The following SGMS2 variants were observed in gnomAD, a reference collection of about 807,000 sequenced individuals.
The protein encoded by SGMS2 is phosphatidylcholine:ceramide cholinephosphotransferase 2.
In SGMS2, 21 loss-of-function variants were observed where a neutral mutation model predicts 43.8. That is an observed-to-expected ratio of 0.48 (90% CI 0.34 to 0.69). The LOEUF is 0.69. Ranked by LOEUF, SGMS2 falls within the 30% of genes least tolerant of loss-of-function variation. SGMS2 has a pLI of 0.01. For synonymous variants in SGMS2, 167 were observed against 160.6 expected (o/e 1.04, Z -0.30); for missense variants, 384 against 443.2 (o/e 0.87, Z 1.20).
At chr4:107,905,228 GTT>G (rs989019687) in intron 5 of SGMS2, among the ~76,000 whole-genome samples, 3 of 152,164 alleles carry the variant, frequency 2.0e-5, no homozygotes, top group Admixed American at 2.0e-4. Flanking sequence ...CAAAAGGCAT[GTT>G]TTACATGGCA....
At chr4:107,825,620 C>CTTTTTTTTT (rs201101875) in intron 1 of SGMS2, among the ~76,000 whole-genome samples, 101 of 116,264 alleles carry the variant, frequency 8.7e-4, no homozygotes, top group African/African-American at 3.5e-3. Flanking sequence ...TTTTCTTTCT[C>CTTTTTTTTT]TTTTTTTTTT....
At chr4:107,824,573 C>A (rs146873588), upstream of SGMS2, 1,235 of 152,410 alleles carry the variant, frequency 8.1e-3, 8 homozygotes, top group Non-Finnish European at 0.014. Context: ...AGATTGATCT[C>A]TGTTGCCGCT....
chr4:107,842,812 T>A (rs1272016936), intron 1 of SGMS2, among the ~76,000 whole-genome samples: 2 of 152,328 alleles, frequency 1.3e-5, no homozygotes, highest in East Asian at 1.9e-4. Context: ...TGTGGTGTAA[T>A]CGGAGCTGAT....
At chr4:107,866,746 A>G (rs2126045397) in intron 2 of SGMS2, among the ~76,000 whole-genome samples, 1 of 152,142 alleles carries the variant, frequency 6.6e-6, no homozygotes. Context: ...TGGGATTTTT[A>G]TTTACCTTTT....
intron 1 of SGMS2, among the ~76,000 whole-genome samples, chr4:107,831,445 A>G (rs916392362): frequency 9.9e-5 from 15 of 152,186 alleles, no homozygotes; most frequent in African/African-American, 3.4e-4. Context: ...TGGCTGTATA[A>G]TGGGAGTAAA....
At chr4:107,899,150 T>C (rs1341197853) in intron 3 of SGMS2, among the ~76,000 whole-genome samples, 1 of 152,200 alleles carries the variant, frequency 6.6e-6, no homozygotes, top group Non-Finnish European at 1.5e-5. Context: ...AATTCCTCTG[T>C]TACTGTGGCT....
At chr4:107,863,066 A>G (rs537716523) in intron 2 of SGMS2, among the ~76,000 whole-genome samples, 14 of 152,350 alleles carry the variant, frequency 9.2e-5, no homozygotes, top group African/African-American at 3.4e-4. Context: ...CTACATGGTA[A>G]CTGTGAGGAG....
Position 107,899,651 on chromosome 4 carries a change from A to G in SGMS2, c.532A>G (p.Thr178Ala), listed in dbSNP as rs1485056423. The change falls in exon 4 of 7, where the codon ACT (threonine) becomes GCT (alanine). Residue 178 changes from threonine (T) to alanine (A), a missense_variant. Thr to Ala is a moderately conservative substitution (Grantham distance 58, BLOSUM62 0). Transcript: ENST00000690982. ...LYRCITMYVT[T>A]LPVPGMHFQC... ...TCGCTGCATTACAATGTATGTTACTACTCTACCTGTGCCTGGAATGCATTT... is the reference window on the plus strand; with the variant it reads ...TCGCTGCATTACAATGTATGTTACTGCTCTACCTGTGCCTGGAATGCATTT... The G allele has an allele frequency of 5.0e-6, 8 of 1,612,596 alleles. No individual in the cohort carries two copies. Among genetic ancestry groups the G allele is most frequent in the Non-Finnish European group, 6.8e-6 (8 of 1,179,400 alleles).
Position 107,833,885 on chromosome 4 carries a change from A to T in SGMS2, c.-327+8632A>T, listed in dbSNP as rs1726028941. 1.3e-5 allele frequency among the ~76,000 whole-genome samples: 2 copies of T among 152,332 alleles called. 1 individual carries two copies. The highest frequency in any genetic ancestry group is 4.1e-4 in the South Asian group (2 of 4,830). On this transcript the variant is annotated intron_variant, in intron 1 of 6. Coordinates refer to ENST00000690982, the MANE Select transcript of SGMS2 (RefSeq NM_001375905.1). ...AGTTGACATTATTGGAAAAACTCAA[A>T]CATCCATTGCTGGCTTTGAAAATGG... is the stretch of plus-strand genomic sequence containing the variant.
At position 107,865,431 on chromosome 4, in the gene SGMS2, A is replaced by T. The variant is rs536819882; in HGVS notation, c.-245+6878A>T. Among the ~76,000 whole-genome samples the T allele has an allele frequency of 6.0e-4, 91 of 152,306 alleles. 3 individuals are homozygous for T. The South Asian group carries it at 0.018, about 30-fold the overall frequency. ...TTCAGATTACTTGGGATATTATTAT[A>T]TTTCAATTTTAGGTATTTTGGAAAA... On this transcript the variant is annotated intron_variant, in intron 2 of 6. Transcript: ENST00000690982.
chr4:107,858,149 T>C (rs1456126754), intron 1 of SGMS2, among the ~76,000 whole-genome samples: 1 of 152,146 alleles, frequency 6.6e-6, no homozygotes, highest in Non-Finnish European at 1.5e-5. Context: ...CTGGTCTTCT[T>C]GTTTATCTGT....
At chr4:107,908,833 T>C in intron 6 of SGMS2, 102 bp downstream of exon 6, 1 of 1,012,944 alleles carries the variant, frequency 9.9e-7, no homozygotes. Flanking sequence ...TAACCGATGT[T>C]GCCACATTCA....
intron 1 of SGMS2, 144 bp downstream of exon 1, chr4:107,825,397 C>CG (rs1461722204): frequency 6.6e-6 from 1 of 151,146 alleles, no homozygotes; most frequent in Non-Finnish European, 1.5e-5. Context: ...CATGCTTCCT[C>CG]GATTTTGTGG....
intron 1 of SGMS2, among the ~76,000 whole-genome samples, chr4:107,854,579 A>G (rs1470858793): frequency 6.6e-6 from 1 of 152,168 alleles, no homozygotes; most frequent in Non-Finnish European, 1.5e-5. Context: ...TTATGTGGCT[A>G]TATTTTGGCC....
chr4:107,895,267 T>G (rs558104539), intron 2 of SGMS2, 43 bp from the exon 3 acceptor site: 1 of 352,126 alleles, frequency 2.8e-6, no homozygotes, highest in East Asian at 4.7e-5. Context: ...GGTTGACAGT[T>G]GGACAAGCAT....
chr4:107,846,882 C>A (rs1726858260), intron 1 of SGMS2, among the ~76,000 whole-genome samples: 1 of 151,334 alleles, frequency 6.6e-6, no homozygotes, highest in African/African-American at 2.4e-5. Flanking sequence ...AGCATTTTTT[C>A]ATGTGTCTTT....
chr4:107,863,250 C>T (rs1238838712), intron 2 of SGMS2, among the ~76,000 whole-genome samples: 1 of 152,198 alleles, frequency 6.6e-6, no homozygotes, highest in Non-Finnish European at 1.5e-5. Context: ...TCAAATTCTA[C>T]CTCTGTCACT....
chr4:107,837,059 G>T (rs1442922453), intron 1 of SGMS2, among the ~76,000 whole-genome samples: 2 of 152,204 alleles, frequency 1.3e-5, no homozygotes, highest in African/African-American at 2.4e-5. Flanking sequence ...TTGCTGAGAT[G>T]CAGTCCCAAG....
intron 1 of SGMS2, among the ~76,000 whole-genome samples, chr4:107,830,861 T>A (rs1013857743): frequency 4.6e-5 from 7 of 152,146 alleles, no homozygotes; most frequent in Non-Finnish European, 8.8e-5. Context: ...AGTTCAGTCT[T>A]TGAAACAGAG....
Sources: allele counts gnomAD v4.1 joint callset (sites outside exome capture counted in the v4.1 genomes callset), GRCh38; gene constraint gnomAD v4.1.1; transcripts MANE v1.5; gene names NCBI Gene and HGNC (gene_info 2026-07-23, HGNC 2026-07-21).